Variants in CPEB3 observed in about 807,000 individuals in gnomAD.
CPEB3 encodes cytoplasmic polyadenylation element binding protein 3.
CPEB3 carries 20 observed loss-of-function variants against 67.2 expected under a neutral mutation model. The observed-to-expected ratio is 0.30, with a 90% CI of 0.21 to 0.43. The LOEUF is 0.43. CPEB3 is among the 20% of genes least tolerant of loss of function. CPEB3 has a pLI of 1.00. For synonymous variants in CPEB3, 376 were observed against 393.1 expected (o/e 0.96, Z 0.51); for missense variants, 746 against 968.6 (o/e 0.77, Z 3.05).
intron 1 of CPEB3, among the ~76,000 whole-genome samples, chr10:92,249,075 T>TTTATAAAA (rs1237962377): frequency 8.3e-5 from 12 of 144,738 alleles, no homozygotes; most frequent in Non-Finnish European, 1.3e-4. Context: ...TGCTGCCAGT[T>TTTATAAAA]TTATAAAATT....
intron 9 of CPEB3, among the ~76,000 whole-genome samples, chr10:92,065,883 C>T (rs1182832507): frequency 6.6e-6 from 1 of 151,746 alleles, no homozygotes; most frequent in African/African-American, 2.4e-5. Flanking sequence ...CATTTGAGCT[C>T]AGGAGCTCGA....
rs1456465114 is a variant in CPEB3, at chr10:92,091,859, A to G, written c.1658T>C (p.Val553Ala). Residue 553 changes from valine (V) to alanine (A), a missense_variant, in exon 8 of 10, where the codon GTT (valine) becomes GCT (alanine). Val to Ala is a moderately conservative substitution (Grantham distance 64, BLOSUM62 0). Around this residue, in one of 2 missense-constraint regions of CPEB3, gnomAD observed 103 missense variants for 251.1 expected, o/e 0.41. Coordinates refer to ENST00000265997, the MANE Select transcript of CPEB3 (RefSeq NM_014912.5). ...QPLDPRKTIF[V>A]GGVPRPLRAV... ...TCGAAGGGGTCGTGGAACTCCCCCAACAAAGATAGTTTTTCTGGGGTCCAA... is the reference window on the plus strand; with the variant it reads ...TCGAAGGGGTCGTGGAACTCCCCCAGCAAAGATAGTTTTTCTGGGGTCCAA... 2 of 1,613,288 alleles carry G rather than the reference A, an allele frequency of 1.2e-6. No individual in the cohort carries two copies. The highest frequency in any genetic ancestry group is 2.2e-5 in the East Asian group (1 of 44,876).
chr10:92,236,858 G>A (rs950071007), intron 2 of CPEB3, among the ~76,000 whole-genome samples: 3 of 152,208 alleles, frequency 2.0e-5, no homozygotes, highest in African/African-American at 4.8e-5. Flanking sequence ...AAAAGAAGCA[G>A]TGCAGGGTAG....
At chr10:92,217,430 T>C (rs1254723520) in intron 2 of CPEB3, among the ~76,000 whole-genome samples, 1 of 151,938 alleles carries the variant, frequency 6.6e-6, no homozygotes, top group Admixed American at 6.6e-5. Flanking sequence ...GCTTTTCAAG[T>C]CTCTACCATC....
chr10:92,219,652 T>C (rs1178260587), intron 2 of CPEB3, among the ~76,000 whole-genome samples: 1 of 152,228 alleles, frequency 6.6e-6, no homozygotes, highest in African/African-American at 2.4e-5. Context: ...GTGTTATACC[T>C]GCATGATTCA....
At chr10:92,234,126 G>GAAAA (rs1851411852) in intron 2 of CPEB3, among the ~76,000 whole-genome samples, 1 of 130,810 alleles carries the variant, frequency 7.6e-6, no homozygotes, top group African/African-American at 2.6e-5. Context: ...AAAAAAAAAG[G>GAAAA]AGAAGGATAA....
At chr10:92,268,522 G>C (rs1418327890) in intron 1 of CPEB3, among the ~76,000 whole-genome samples, 1 of 152,080 alleles carries the variant, frequency 6.6e-6, no homozygotes, top group Non-Finnish European at 1.5e-5. Flanking sequence ...TCACCCAAAA[G>C]AAAACTGCTA....
intron 1 of CPEB3, among the ~76,000 whole-genome samples, chr10:92,262,612 T>C (rs1852852243): frequency 6.6e-6 from 1 of 152,064 alleles, no homozygotes; most frequent in Non-Finnish European, 1.5e-5. Flanking sequence ...TTTGGGAGGC[T>C]GAGGGGGGAG....
At position 92,211,835 on chromosome 10, in the gene CPEB3, G is replaced by A. The variant is rs1020343183; in HGVS notation, c.1006-19199C>T. 9.3e-5 allele frequency among the ~76,000 whole-genome samples: 14 copies of A among 151,336 alleles called. No homozygotes were observed. In the South Asian group the frequency reaches 1.9e-3, roughly 20 times the overall value. ...TAGAATTATGGGCATGAGCCACTGC[G>A]CCCAGCTCAAACATATATGTTCTAA... On this transcript the variant is annotated intron_variant, in intron 2 of 9. Transcript: ENST00000265997.
At chr10:92,168,144 T>C (rs964130234) in intron 4 of CPEB3, among the ~76,000 whole-genome samples, 50 of 152,166 alleles carry the variant, frequency 3.3e-4, no homozygotes, top group African/African-American at 1.2e-3. Flanking sequence ...AATAAAATGA[T>C]ACATGCCTAT....
At chr10:92,105,979 G>C (rs555603914) in intron 7 of CPEB3, among the ~76,000 whole-genome samples, 114 of 152,206 alleles carry the variant, frequency 7.5e-4, no homozygotes, top group Non-Finnish European at 1.5e-3. Context: ...TGCAACCTCT[G>C]CCTCCTGGGT....
chr10:92,083,919 C>G (rs1424328145), intron 8 of CPEB3, among the ~76,000 whole-genome samples: 1 of 152,054 alleles, frequency 6.6e-6, no homozygotes, highest in Non-Finnish European at 1.5e-5. Context: ...CACGGTGGCT[C>G]ACGGCTATAA....
At chr10:92,152,401 T>C (rs1847005972) in intron 4 of CPEB3, among the ~76,000 whole-genome samples, 1 of 152,242 alleles carries the variant, frequency 6.6e-6, no homozygotes, top group African/African-American at 2.4e-5. Flanking sequence ...TACGTGACTC[T>C]TGAGATTGGC....
chr10:92,069,714 T>A (rs867085856), intron 9 of CPEB3, among the ~76,000 whole-genome samples: 57 of 152,238 alleles, frequency 3.7e-4, no homozygotes, highest in African/African-American at 1.3e-3. Context: ...ACAATGTTCT[T>A]TAAATAAAAA....
chr10:92,114,642 T>G (rs2133529898), intron 6 of CPEB3, among the ~76,000 whole-genome samples: 1 of 152,228 alleles, frequency 6.6e-6, no homozygotes, highest in East Asian at 1.9e-4. Flanking sequence ...ACACACCCTA[T>G]GTGGTAAGCC....
At chr10:92,216,706 T>C in intron 2 of CPEB3, 1 of 1,605,766 alleles carries the variant, frequency 6.2e-7, no homozygotes, top group Non-Finnish European at 8.5e-7. Context: ...GCCCCACCTG[T>C]GTGATAATGG....
At chr10:92,153,058 A>G (rs1847037019) in intron 4 of CPEB3, among the ~76,000 whole-genome samples, 2 of 152,190 alleles carry the variant, frequency 1.3e-5, no homozygotes, top group Non-Finnish European at 2.9e-5. Context: ...TCCTATTACT[A>G]TGAGCAGTAA....
At chr10:92,156,852 A>G (rs1471902022) in intron 4 of CPEB3, among the ~76,000 whole-genome samples, 1 of 152,226 alleles carries the variant, frequency 6.6e-6, no homozygotes, top group Non-Finnish European at 1.5e-5. Flanking sequence ...TTCTGCCAGT[A>G]GTCACTCATT....
At chr10:92,134,696 G>T (rs1276576397) in intron 6 of CPEB3, among the ~76,000 whole-genome samples, 1 of 151,846 alleles carries the variant, frequency 6.6e-6, no homozygotes, top group Non-Finnish European at 1.5e-5. Flanking sequence ...AAAAGAGCCC[G>T]CATTGCCAAG....
Sources: allele counts gnomAD v4.1 joint callset (sites outside exome capture counted in the v4.1 genomes callset), GRCh38; gene constraint gnomAD v4.1.1; regional missense constraint gnomAD v4.1.1; transcripts MANE v1.5; gene names NCBI Gene and HGNC (gene_info 2026-07-23, HGNC 2026-07-21).